The following EBF1 variants were observed in gnomAD, a reference collection of about 807,000 sequenced individuals.
The protein encoded by EBF1 is transcription factor COE1.
EBF1 carries 10 observed loss-of-function variants against 68.4 expected under a neutral mutation model. The ratio of observed to expected loss-of-function variants is 0.15; its 90% confidence interval spans 0.09 to 0.25. The LOEUF (loss-of-function observed/expected upper bound fraction) is 0.25. Among genes scored for constraint, EBF1 ranks in the 10% least tolerant of loss-of-function variants. The pLI is 1.00. For missense variants in EBF1, 509 were observed against 794.4 expected (o/e 0.64, Z 4.32); for synonymous variants, 298 against 299.8 (o/e 0.99, Z 0.06).
intron 6 of EBF1, among the ~76,000 whole-genome samples, chr5:159,007,908 C>T (rs1451380248): frequency 6.6e-6 from 1 of 152,178 alleles, no homozygotes; most frequent in Non-Finnish European, 1.5e-5. Context: ...AGATCCCAGT[C>T]ACCCAACAAA....
intron 6 of EBF1, among the ~76,000 whole-genome samples, chr5:158,973,222 G>A (rs1401813193): frequency 6.6e-6 from 1 of 151,362 alleles, no homozygotes; most frequent in Non-Finnish European, 1.5e-5. Context: ...GATCTTGAAA[G>A]GTACTCAGTA....
chr5:159,085,428 C>G (rs1780453203), intron 4 of EBF1, among the ~76,000 whole-genome samples: 1 of 152,140 alleles, frequency 6.6e-6, no homozygotes, highest in Non-Finnish European at 1.5e-5. Context: ...ATCTGGAGTC[C>G]CAAATCACCT....
intron 6 of EBF1, among the ~76,000 whole-genome samples, chr5:158,858,152 G>A (rs528190010): frequency 7.0e-4 from 107 of 152,268 alleles, no homozygotes; most frequent in African/African-American, 2.5e-3. Flanking sequence ...GAGATCCTCT[G>A]TTCGGAGTAA....
intron 11 of EBF1, 126 bp from the exon 12 acceptor site, chr5:158,714,308 G>A (rs1178908079): frequency 1.1e-5 from 11 of 1,023,548 alleles, no homozygotes; most frequent in Non-Finnish European, 1.7e-5. Context: ...CCGTAGCTTG[G>A]GGAACCCCAG....
At chr5:158,821,605 A>C (rs992274675) in intron 8 of EBF1, among the ~76,000 whole-genome samples, 1 of 152,192 alleles carries the variant, frequency 6.6e-6, no homozygotes, top group Non-Finnish European at 1.5e-5. Flanking sequence ...CACTCTCCAA[A>C]TCATGCCCAC....
intron 6 of EBF1, among the ~76,000 whole-genome samples, chr5:158,960,522 G>GT (rs1817970781): frequency 2.0e-5 from 3 of 152,046 alleles, no homozygotes; most frequent in African/African-American, 2.4e-5. Flanking sequence ...GTACATCTCT[G>GT]TAAAAAAAAA....
At chr5:159,069,436 C>T (rs912788289) in intron 6 of EBF1, among the ~76,000 whole-genome samples, 3 of 152,076 alleles carry the variant, frequency 2.0e-5, no homozygotes, top group Non-Finnish European at 2.9e-5. Context: ...AAAGAAGCCT[C>T]CAGCATACTT....
At position 158,867,749 on chromosome 5, in the gene EBF1, T is replaced by C. The variant is rs1230241998; in HGVS notation, c.555-27639A>G. Among the ~76,000 whole-genome samples the C allele has an allele frequency of 6.6e-5, 10 of 152,334 alleles. No individual in the cohort carries two copies. The East Asian group carries it at 1.9e-3, about 29-fold the overall frequency. On this transcript the variant is annotated intron_variant, in intron 6 of 15. Coordinates refer to ENST00000313708, the MANE Select transcript of EBF1 (RefSeq NM_024007.5). Reference sequence around the variant, plus strand: ...GATATTTTATTGTTAATATTTTCTTTCTCCCTGTAATCCTATCTTAGCTTC... The same window carrying C: ...GATATTTTATTGTTAATATTTTCTTCCTCCCTGTAATCCTATCTTAGCTTC...
intron 6 of EBF1, among the ~76,000 whole-genome samples, chr5:158,996,439 T>C (rs926560786): frequency 1.3e-5 from 2 of 152,252 alleles, no homozygotes; most frequent in African/African-American, 4.8e-5. Context: ...TTGTGATTTC[T>C]GTCTTTTACC....
intron 15 of EBF1, among the ~76,000 whole-genome samples, chr5:158,706,443 T>A (rs1056835803): frequency 6.6e-6 from 1 of 152,132 alleles, no homozygotes; most frequent in African/African-American, 2.4e-5. Flanking sequence ...GTGACCTGGA[T>A]CAAATTAAGC....
At chr5:158,888,630 G>T (rs1177482436) in intron 6 of EBF1, among the ~76,000 whole-genome samples, 1 of 152,086 alleles carries the variant, frequency 6.6e-6, no homozygotes, top group African/African-American at 2.4e-5. Context: ...TAAAGACCAT[G>T]GAACTGGTAC....
At chr5:158,966,849 T>G (rs1754266055) in intron 6 of EBF1, among the ~76,000 whole-genome samples, 1 of 152,194 alleles carries the variant, frequency 6.6e-6, no homozygotes, top group Non-Finnish European at 1.5e-5. Context: ...GAAGGCCAAT[T>G]CATCTGTATC....
chr5:158,965,014 G>T (rs1753830805), intron 6 of EBF1, among the ~76,000 whole-genome samples: 1 of 152,198 alleles, frequency 6.6e-6, no homozygotes, highest in Admixed American at 6.5e-5. Context: ...TGAGATATTT[G>T]GTAACCAGAC....
intron 10 of EBF1, among the ~76,000 whole-genome samples, chr5:158,731,954 C>T (rs768538136): frequency 3.9e-5 from 6 of 152,168 alleles, no homozygotes; most frequent in Non-Finnish European, 7.3e-5. Flanking sequence ...AAATTAAACA[C>T]AATATTAAGT....
At chr5:159,035,107 C>G (rs1769763474) in intron 6 of EBF1, among the ~76,000 whole-genome samples, 1 of 151,650 alleles carries the variant, frequency 6.6e-6, no homozygotes, top group Admixed American at 6.6e-5. Context: ...CCATCAGAAA[C>G]AGGGGGAAAG....
intron 10 of EBF1, among the ~76,000 whole-genome samples, chr5:158,771,301 A>C (rs1446803801): frequency 6.6e-6 from 1 of 152,128 alleles, no homozygotes; most frequent in Non-Finnish European, 1.5e-5. Context: ...TTTACTCCTT[A>C]GATGAAGGTA....
intron 6 of EBF1, among the ~76,000 whole-genome samples, chr5:158,992,917 C>CTTTTTTTTTT (rs148629320): frequency 4.1e-5 from 3 of 72,842 alleles, no homozygotes; most frequent in East Asian, 4.5e-4. Flanking sequence ...CTGTTTCTTT[C>CTTTTTTTTTT]TTTTTTTTTT....
At chr5:159,056,520 C>G (rs1314701192) in intron 6 of EBF1, among the ~76,000 whole-genome samples, 1 of 152,208 alleles carries the variant, frequency 6.6e-6, no homozygotes, top group African/African-American at 2.4e-5. Flanking sequence ...TAATTTCTCT[C>G]AGCACCATAC....
At chr5:158,708,583 C>T (rs1336005205) in intron 14 of EBF1, among the ~76,000 whole-genome samples, 1 of 152,134 alleles carries the variant, frequency 6.6e-6, no homozygotes, top group African/African-American at 2.4e-5. Context: ...AGTGCAACAC[C>T]CTCTTATGAG....
Sources: gnomAD v4.1 joint callset for allele counts (sites outside exome capture counted in the v4.1 genomes callset) on GRCh38, gnomAD v4.1.1 for gene constraint, MANE v1.5 for transcripts, NCBI Gene and HGNC (gene_info 2026-07-23, HGNC 2026-07-21) for gene names.